TNFSF12: variants seen among roughly 807,000 people sequenced by gnomAD.
TNFSF12 encodes TNF superfamily member 12, also known as tumor necrosis factor ligand superfamily member 12.
TNFSF12 carries 16 observed loss-of-function variants against 31.2 expected under a neutral mutation model. The ratio of observed to expected loss-of-function variants is 0.51; its 90% confidence interval spans 0.35 to 0.78. The LOEUF is 0.78. Ranked by LOEUF, TNFSF12 falls within the 30% of genes least tolerant of loss-of-function variation. The pLI is 0.01. For missense variants in TNFSF12, 324 were observed against 338.8 expected (o/e 0.96, Z 0.34); for synonymous variants, 150 against 151.4 (o/e 0.99, Z 0.07).
chr17:7,552,037 C>T (rs2071006381), intron 5 of TNFSF12, among the ~76,000 whole-genome samples: 1 of 152,146 alleles, frequency 6.6e-6, no homozygotes. Flanking sequence ...CTGCCCGCCT[C>T]GGCCTACCAA....
chr17:7,551,123 C>A, intron 5 of TNFSF12, 145 bp downstream of exon 5: 3 of 1,400,564 alleles, frequency 2.1e-6, no homozygotes, highest in Non-Finnish European at 2.9e-6. Flanking sequence ...GTGACCCAGG[C>A]GTGGGACCCC....
intron 5 of TNFSF12, among the ~76,000 whole-genome samples, chr17:7,553,184 A>G (rs1002731158): frequency 2.6e-5 from 4 of 151,436 alleles, no homozygotes; most frequent in African/African-American, 9.7e-5. Flanking sequence ...CCAGTAGCTG[A>G]GATTACAGGC....
chr17:7,557,059 C>A lies in TNFSF12; in HGVS notation c.499-40C>A. 1 of 1,576,542 alleles carries A rather than the reference C, an allele frequency of 6.3e-7. No homozygotes were observed. On this transcript the variant is annotated intron_variant, in intron 6 of 6. Transcript: ENST00000293825. The surrounding 1 kb of genome is among the most constrained non-coding windows in gnomAD (Gnocchi z 5.2). ...AGGAAATTGGAAATTGAGGCGAGGGCAGGCAGAGGCCTGGACTCGGCCTGT... is the reference window on the plus strand; with the variant it reads ...AGGAAATTGGAAATTGAGGCGAGGGAAGGCAGAGGCCTGGACTCGGCCTGT...
chr17:7,554,336 T>C (rs562478128), intron 5 of TNFSF12, among the ~76,000 whole-genome samples: 2,331 of 122,410 alleles, frequency 0.019, 75 homozygotes, highest in African/African-American at 0.065. Context: ...TTTTTTGAGA[T>C]GGAGTCTCAC....
At chr17:7,552,183 A>T (rs2071007556) in intron 5 of TNFSF12, among the ~76,000 whole-genome samples, 1 of 152,238 alleles carries the variant, frequency 6.6e-6, no homozygotes, top group Non-Finnish European at 1.5e-5. Flanking sequence ...AGTATGTAAG[A>T]TAATTATTAA....
chr17:7,556,734 T>C, intron 5 of TNFSF12, 44 bp from the exon 6 acceptor site: 1 of 1,446,712 alleles, frequency 6.9e-7, no homozygotes, highest in Non-Finnish European at 9.1e-7. Context: ...TGTGGGGGAG[T>C]CCTGTAGAGA....
Position 7,550,761 on chromosome 17 carries a change from G to T in TNFSF12, c.284-38G>T. On this transcript the variant is annotated intron_variant, in intron 3 of 6. Coordinates refer to ENST00000293825, the MANE Select transcript of TNFSF12 (RefSeq NM_003809.3). The surrounding 1 kb of genome is among the most constrained non-coding windows in gnomAD (Gnocchi z 4.4). The stretch of plus-strand genomic sequence containing the variant: ...GAGAGTTGCTCTGGGACCCCCACTA[G>T]GGCCCGCTTTGCTCATCTGTCTTTC... 3 of 1,593,772 alleles carry T rather than the reference G, an allele frequency of 1.9e-6. No homozygotes were observed. The African/African-American group carries it at 4.0e-5, about 21-fold the overall frequency.
chr17:7,552,813 C>A (rs2071015345), intron 5 of TNFSF12, among the ~76,000 whole-genome samples: 1 of 152,050 alleles, frequency 6.6e-6, no homozygotes, highest in Non-Finnish European at 1.5e-5. Context: ...TTCGGAGAAA[C>A]CACTGTTTCA....
rs1432703775 is a variant in TNFSF12, at chr17:7,550,825, C to T, written c.310C>T (p.Arg104Ter). The change falls in exon 4 of 7, where the codon CGA becomes TGA. Residue 104 changes from arginine to a stop codon, truncating the protein, a stop_gained. Transcript: ENST00000293825. LOFTEE classifies it high-confidence loss of function. The surrounding 1 kb of genome is among the most constrained non-coding windows in gnomAD (Gnocchi z 4.4). ...ACCTAAAGGCCGGAAAACACGGGCT[C>T]GAAGAGCGATCGCAGCCCATTATGA... ...SAPKGRKTRA[R>*]RAIAAHYEVH... 22 of 1,612,246 alleles carry T rather than the reference C, an allele frequency of 1.4e-5. No homozygotes were observed. The highest frequency in any genetic ancestry group is 1.5e-5 in the Non-Finnish European group (18 of 1,178,518).
At chr17:7,556,197 T>C (rs2071063254) in intron 5 of TNFSF12, among the ~76,000 whole-genome samples, 1 of 152,142 alleles carries the variant, frequency 6.6e-6, no homozygotes, top group East Asian at 1.9e-4. Flanking sequence ...GCCAGGCTGG[T>C]CTCGAACTCC....
At chr17:7,552,327 CTTT>C (rs930416946) in intron 5 of TNFSF12, among the ~76,000 whole-genome samples, 5 of 128,894 alleles carry the variant, frequency 3.9e-5, no homozygotes, top group Non-Finnish European at 5.0e-5. Context: ...ATATGGATGG[CTTT>C]TTTTTTTTTT....
In TNFSF12 at chr17:7,549,473, G is replaced by A; in HGVS notation, c.160-1G>A. ...GGGTGACGCTCCCTCCTTCCCAGCA[G>A]GAGCCTGCCCAGGAGGAGCTGGTGG... On this transcript the variant is annotated splice_acceptor_variant, in intron 1 of 6. Transcript: ENST00000293825. LOFTEE classifies it high-confidence loss of function. The surrounding 1 kb of genome is among the most constrained non-coding windows in gnomAD (Gnocchi z 4.1). The A allele has an allele frequency of 6.5e-7, 1 of 1,530,130 alleles. No homozygotes were observed. The highest frequency in any genetic ancestry group is 8.8e-7 in the Non-Finnish European group (1 of 1,130,802). 94.8% of individuals were successfully genotyped at this position (1,530,130 alleles called of 1,614,324 possible).
chr17:7,549,669 A>AG lies in TNFSF12; in HGVS notation c.207+152dup. 7.8e-7 allele frequency: 1 copy of AG among 1,281,080 alleles called. No homozygotes were observed. Among genetic ancestry groups the AG allele is most frequent in the Non-Finnish European group, 1.0e-6 (1 of 964,928 alleles). 79.4% of individuals were successfully genotyped at this position (1,281,080 alleles called of 1,614,324 possible). A position where few individuals can be genotyped will look rare whatever the true frequency, so the allele number is the denominator to read the frequency against. Reference sequence around the variant, plus strand: ...AGTGCGTGCATGGGTGCGTGTCTGCAGGGGTGTGTGTGCGTGGTGACAACT... The same window carrying AG: ...AGTGCGTGCATGGGTGCGTGTCTGCAGGGGGTGTGTGTGCGTGGTGACAACT... On this transcript the variant is annotated intron_variant, in intron 2 of 6. Transcript: ENST00000293825. The surrounding 1 kb of genome is among the most constrained non-coding windows in gnomAD (Gnocchi z 4.1).
chr17:7,549,441 C>T lies in TNFSF12; in HGVS notation c.160-33C>T, dbSNP rs772401999. The T allele has an allele frequency of 2.7e-6, 4 of 1,470,492 alleles. No homozygotes were observed. The highest frequency in any genetic ancestry group is 3.6e-6 in the Non-Finnish European group (4 of 1,098,268). The allele number at this position is 1,470,492 out of a possible 1,614,324, so 91.1% of individuals were successfully genotyped here. A position where few individuals can be genotyped will look rare whatever the true frequency, so the allele number is the denominator to read the frequency against. ...GTGGAGGGTGAGATGTCAGGTGGAGCGGCACAGGGTGACGCTCCCTCCTTC... is the reference window on the plus strand; with the variant it reads ...GTGGAGGGTGAGATGTCAGGTGGAGTGGCACAGGGTGACGCTCCCTCCTTC... On this transcript the variant is annotated intron_variant, in intron 1 of 6. Coordinates refer to ENST00000293825, the MANE Select transcript of TNFSF12 (RefSeq NM_003809.3). This position sits in a 1 kb window ranked among gnomAD's most constrained non-coding sequence, Gnocchi z 4.1.
chr17:7,549,260 G>A lies in TNFSF12; in HGVS notation c.107G>A (p.Gly36Asp). ...LGLGLALACL[G>D]LLLAVVSLGS... ...CTGGGCCTGGCGCTGGCCTGCCTCG[G>A]CCTCCTGCTGGCCGTGGTCAGTTTG... Residue 36 changes from glycine to aspartate, a missense_variant, in exon 1 of 7, where the codon GGC becomes GAC. By Grantham distance (94) the Gly-to-Asp change is moderately conservative. Coordinates refer to ENST00000293825, the MANE Select transcript of TNFSF12 (RefSeq NM_003809.3). This position sits in a 1 kb window ranked among gnomAD's most constrained non-coding sequence, Gnocchi z 4.1. 7.1e-7 allele frequency: 1 copy of A among 1,399,082 alleles called. No individual in the cohort carries two copies. Among genetic ancestry groups the A allele is most frequent in the Non-Finnish European group, 9.3e-7 (1 of 1,080,376 alleles). 86.7% of individuals were successfully genotyped at this position (1,399,082 alleles called of 1,614,324 possible).
At chr17:7,554,107 G>C (rs2071030569) in intron 5 of TNFSF12, among the ~76,000 whole-genome samples, 1 of 152,092 alleles carries the variant, frequency 6.6e-6, no homozygotes, top group African/African-American at 2.4e-5. Flanking sequence ...CTTTGCTTAG[G>C]CTGGCTTCGT....
chr17:7,550,905 C>A lies in TNFSF12; in HGVS notation c.338-38C>A. 6.2e-7 allele frequency: 1 copy of A among 1,614,026 alleles called. No individual in the cohort carries two copies. Among genetic ancestry groups the A allele is most frequent in the East Asian group, 2.2e-5 (1 of 44,876 alleles). ...AGGAGAGGGGCAGGTGGCAGAGGGT[C>A]AGGGCAGGTCTCACCAGCCTTTTCC... On this transcript the variant is annotated intron_variant, in intron 4 of 6. Transcript: ENST00000293825. The surrounding 1 kb of genome is among the most constrained non-coding windows in gnomAD (Gnocchi z 4.4).
chr17:7,549,330 AC>A lies in TNFSF12; in HGVS notation c.159+22del. The A allele has an allele frequency of 7.1e-7, 1 of 1,400,262 alleles. No homozygotes were observed. The highest frequency in any genetic ancestry group is 3.1e-5 in the Admixed American group (1 of 32,456). The allele number at this position is 1,400,262 out of a possible 1,614,324, so 86.7% of individuals were successfully genotyped here. A position where few individuals can be genotyped will look rare whatever the true frequency, so the allele number is the denominator to read the frequency against. On this transcript the variant is annotated intron_variant, in intron 1 of 6. Coordinates refer to ENST00000293825, the MANE Select transcript of TNFSF12 (RefSeq NM_003809.3). This position sits in a 1 kb window ranked among gnomAD's most constrained non-coding sequence, Gnocchi z 4.1. ...CCGCCCAGGTGAGGCCCCGCTGCGCACCCCTTCTTGGGCACATCAGGAGCTG... is the reference window on the plus strand; with the variant it reads ...CCGCCCAGGTGAGGCCCCGCTGCGCACCCTTCTTGGGCACATCAGGAGCTG...
intron 5 of TNFSF12, among the ~76,000 whole-genome samples, chr17:7,554,841 T>C (rs1254315484): frequency 2.0e-5 from 3 of 151,238 alleles, no homozygotes; most frequent in Non-Finnish European, 3.0e-5. Context: ...AGCGTCTCGA[T>C]CTCCTGACCT....
Sources: gnomAD v4.1 joint callset for allele counts (sites outside exome capture counted in the v4.1 genomes callset) on GRCh38, gnomAD v4.1.1 for gene constraint, Gnocchi (gnomAD v3.1) non-coding constraint, MANE v1.5 for transcripts, NCBI Gene and HGNC (gene_info 2026-07-23, HGNC 2026-07-21) for gene names.